Variants in HFM1 observed in about 807,000 individuals in gnomAD.
HFM1 encodes helicase for meiosis 1, also known as probable ATP-dependent DNA helicase HFM1.
HFM1 carries 169 observed loss-of-function variants against 192.1 expected under a neutral mutation model. That is an observed-to-expected ratio of 0.88 (90% CI 0.78 to 1.00). The LOEUF (loss-of-function observed/expected upper bound fraction) is 1.00. HFM1 is among the 50% of genes least tolerant of loss of function. HFM1 has a pLI of 0.00. For missense variants in HFM1, 1,661 were observed against 1,668.0 expected, an observed-to-expected ratio of 1.00 and a Z score of 0.07; for synonymous variants, 525 against 537.8, an observed-to-expected ratio of 0.98 and a Z score of 0.33.
chr1:91,367,951 G>A (rs914106101), intron 13 of HFM1, among the ~76,000 whole-genome samples: 25 of 152,178 alleles, frequency 1.6e-4, no homozygotes, highest in African/African-American at 2.9e-4. Context: ...ACTATGTGAC[G>A]AATGCACAAG....
At chr1:91,300,372 C>T (rs1399647133) in intron 30 of HFM1, among the ~76,000 whole-genome samples, 2 of 152,198 alleles carry the variant, frequency 1.3e-5, no homozygotes, top group Non-Finnish European at 1.5e-5. Context: ...GGAGCTGGTA[C>T]CATTCCTTCT....
At chr1:91,366,328 G>C (rs769646585) in intron 13 of HFM1, among the ~76,000 whole-genome samples, 1 of 152,136 alleles carries the variant, frequency 6.6e-6, no homozygotes, top group Non-Finnish European at 1.5e-5. Flanking sequence ...ATTGCACAAA[G>C]AATTCCGTAA....
At chr1:91,332,863 T>C (rs1654033252) in intron 20 of HFM1, among the ~76,000 whole-genome samples, 1 of 152,218 alleles carries the variant, frequency 6.6e-6, no homozygotes. Context: ...TCAACATCAC[T>C]GATCATCAGA....
chr1:91,291,502 G>A (rs1225255621), intron 30 of HFM1, among the ~76,000 whole-genome samples: 5 of 152,154 alleles, frequency 3.3e-5, no homozygotes, highest in East Asian at 3.8e-4. Context: ...ACTAAACCAG[G>A]AAGAAGTTGA....
At chr1:91,373,842 A>G (rs559202243) in intron 13 of HFM1, among the ~76,000 whole-genome samples, 5 of 152,216 alleles carry the variant, frequency 3.3e-5, no homozygotes, top group East Asian at 3.9e-4. Context: ...AAATTTCTTT[A>G]TATCAATGCA....
intron 30 of HFM1, among the ~76,000 whole-genome samples, chr1:91,299,104 C>G (rs926502111): frequency 3.3e-5 from 5 of 151,972 alleles, no homozygotes; most frequent in African/African-American, 4.8e-5. Flanking sequence ...ATCTACCAAG[C>G]AAATGGAAAA....
rs752444592 is a variant in HFM1 at position 91,324,683 on chromosome 1, A to G, written c.2419T>C (p.Ser807Pro). Reference protein sequence around the residue: ...FYTISGKETLSDLVTLIAGCK... With the variant: ...FYTISGKETLPDLVTLIAGCK... The stretch of plus-strand genomic sequence containing the variant: ...AGTGAAAATTAATTTACCAGATCTG[A>G]TAAGGTTTCTTTTCCACTGATTGTA... Residue 807 changes from serine to proline, a missense_variant, in exon 21 of 39, where the codon TCA becomes CCA. Ser to Pro is a moderately conservative substitution (Grantham distance 74, BLOSUM62 -1). Coordinates refer to ENST00000370425, the MANE Select transcript of HFM1 (RefSeq NM_001017975.6). The G allele has an allele frequency of 4.3e-6, 6 of 1,410,428 alleles. No individual in the cohort carries two copies. The highest frequency in any genetic ancestry group is 6.0e-6 in the Non-Finnish European group (6 of 996,096). The allele number at this position is 1,410,428 out of a possible 1,614,324, so 87.4% of individuals were successfully genotyped here. A position where few individuals can be genotyped will look rare whatever the true frequency, so the allele number is the denominator to read the frequency against.
At chr1:91,282,851 T>G (rs1044844685) in intron 30 of HFM1, among the ~76,000 whole-genome samples, 1 of 152,122 alleles carries the variant, frequency 6.6e-6, no homozygotes, top group Admixed American at 6.5e-5. Flanking sequence ...ACTAAAGAAC[T>G]TCTAAAAAAG....
rs894665141 is a variant in HFM1 at position 91,281,517 on chromosome 1, C to A, written c.3392-4455G>T. On this transcript the variant is annotated intron_variant, in intron 30 of 38. Coordinates refer to ENST00000370425, the MANE Select transcript of HFM1 (RefSeq NM_001017975.6). Reference sequence around the variant, plus strand: ...AACTTCCTTTCATTAAGTTCCTGGGCTGAATCTACTACAAATGGATTCTTG... The same window carrying A: ...AACTTCCTTTCATTAAGTTCCTGGGATGAATCTACTACAAATGGATTCTTG... Among the ~76,000 whole-genome samples the A allele has an allele frequency of 4.6e-5, 7 of 152,116 alleles. No individual in the cohort carries two copies. The South Asian group carries it at 8.3e-4, about 18-fold the overall frequency.
intron 1 of HFM1, among the ~76,000 whole-genome samples, chr1:91,404,141 G>A (rs946689732): frequency 6.6e-6 from 1 of 152,160 alleles, no homozygotes; most frequent in Non-Finnish European, 1.5e-5. Flanking sequence ...TCCGAGGCTC[G>A]GCCTGGGAAA....
At chr1:91,405,739 C>A (rs1197035565), upstream of HFM1, among the ~76,000 whole-genome samples, 1 of 152,194 alleles carries the variant, frequency 6.6e-6, no homozygotes, top group East Asian at 1.9e-4. Context: ...ATATTAATTT[C>A]TTTCACCTTC....
intron 30 of HFM1, among the ~76,000 whole-genome samples, chr1:91,291,995 TCAA>T (rs1371447648): frequency 1.3e-5 from 2 of 152,114 alleles, no homozygotes; most frequent in Non-Finnish European, 2.9e-5. Context: ...TTGACAAAAT[TCAA>T]CAACACTTCA....
chr1:91,363,022 T>A (rs555308220), intron 13 of HFM1, among the ~76,000 whole-genome samples: 10 of 152,056 alleles, frequency 6.6e-5, no homozygotes, highest in African/African-American at 2.4e-4. Flanking sequence ...ACACAAGAAT[T>A]AACTCAAGAT....
chr1:91,405,904 A>G (rs754538717), upstream of HFM1, among the ~76,000 whole-genome samples: 5 of 152,232 alleles, frequency 3.3e-5, no homozygotes, highest in Admixed American at 1.3e-4. Context: ...AAAATACTGG[A>G]GAGGAAAGTT....
At chr1:91,321,927 A>T (rs1180884237) in intron 23 of HFM1, among the ~76,000 whole-genome samples, 1 of 152,218 alleles carries the variant, frequency 6.6e-6, no homozygotes, top group East Asian at 1.9e-4. Flanking sequence ...TAATTTATGC[A>T]ACACAGTATA....
At chr1:91,395,660 A>C (rs1663567280) in intron 3 of HFM1, among the ~76,000 whole-genome samples, 1 of 151,966 alleles carries the variant, frequency 6.6e-6, no homozygotes, top group Non-Finnish European at 1.5e-5. Context: ...CTTTCATTTT[A>C]TTTCATTAAA....
intron 36 of HFM1, among the ~76,000 whole-genome samples, chr1:91,264,359 G>GTTTTTTTTTTTTTTT (rs1466938761): frequency 3.1e-4 from 17 of 54,060 alleles, no homozygotes; most frequent in African/African-American, 9.4e-4. Flanking sequence ...CACAAATTTA[G>GTTTTTTTTTTTTTTT]TATTTTTTTT....
At chr1:91,349,696 T>C (rs1397743202) in intron 18 of HFM1, among the ~76,000 whole-genome samples, 2 of 152,198 alleles carry the variant, frequency 1.3e-5, no homozygotes, top group South Asian at 2.1e-4. Flanking sequence ...AGCTGACATA[T>C]GTTGCAATCT....
intron 13 of HFM1, among the ~76,000 whole-genome samples, chr1:91,363,342 AAAC>A (rs1414304205): frequency 0.14 from 15 of 108 alleles, no homozygotes; most frequent in East Asian, 0.5. Flanking sequence ...ACAAGAAAAA[AAAC>A]AAACAACCCC....
Sources: allele counts gnomAD v4.1 joint callset (sites outside exome capture counted in the v4.1 genomes callset), GRCh38; gene constraint gnomAD v4.1.1; transcripts MANE v1.5; gene names NCBI Gene and HGNC (gene_info 2026-07-23, HGNC 2026-07-21).